The following CPQ variants were observed in gnomAD, a reference collection of about 807,000 sequenced individuals.
CPQ encodes Ser-Met dipeptidase.
A neutral mutation model predicts 45.7 loss-of-function variants in CPQ; 37 were observed. The observed-to-expected ratio is 0.81, with a 90% CI of 0.62 to 1.07. The LOEUF is 1.07. CPQ is among the 50% of genes least tolerant of loss of function. The pLI, the probability that CPQ is intolerant of heterozygous loss-of-function variation, is 0.00. For missense variants in CPQ, 537 were observed against 572.9 expected (o/e 0.94, Z 0.64); for synonymous variants, 186 against 205.8 (o/e 0.90, Z 0.82).
chr8:97,090,406 T>C (rs1484114927), intron 7 of CPQ, among the ~76,000 whole-genome samples: 1 of 152,222 alleles, frequency 6.6e-6, no homozygotes, highest in Non-Finnish European at 1.5e-5. Context: ...AACCTAGCAT[T>C]TTTTAATGTT....
intron 4 of CPQ, among the ~76,000 whole-genome samples, chr8:96,934,705 A>G (rs1351304151): frequency 6.6e-6 from 1 of 152,166 alleles, no homozygotes; most frequent in Non-Finnish European, 1.5e-5. Flanking sequence ...AGCCTACAAA[A>G]TATGCCCTGT....
At chr8:96,732,271 C>T (rs1378158988) in intron 1 of CPQ, 1 of 152,198 alleles carries the variant, frequency 6.6e-6, no homozygotes, top group Non-Finnish European at 1.5e-5. Flanking sequence ...GTTCTCTGCA[C>T]ATCTCCAACC....
At chr8:97,012,875 T>TTTTTTTTTTTTTTTTTTTTTTGAGACGG (rs1809514560) in intron 5 of CPQ, among the ~76,000 whole-genome samples, 1 of 152,174 alleles carries the variant, frequency 6.6e-6, no homozygotes, top group African/African-American at 2.4e-5. Flanking sequence ...AATTTTCTTT[T>TTTTTTTTTTTTTTTTTTTTTTGAGACGG]ATCTCAAGGA....
intron 7 of CPQ, among the ~76,000 whole-genome samples, chr8:97,122,213 G>A (rs79017698): frequency 0.015 from 2,278 of 151,946 alleles, 64 homozygotes; most frequent in African/African-American, 0.051. Context: ...AGCATGATAA[G>A]CGACAAGAAA....
intron 1 of CPQ, among the ~76,000 whole-genome samples, chr8:96,777,005 G>T (rs1810613860): frequency 2.6e-5 from 4 of 152,132 alleles, no homozygotes; most frequent in African/African-American, 9.7e-5. Flanking sequence ...AAAAAATGTT[G>T]TGTAGTTTAA....
At chr8:97,022,996 C>CAGTATATATATACTATATAT (rs1206830979) in intron 5 of CPQ, among the ~76,000 whole-genome samples, 2 of 143,366 alleles carry the variant, frequency 1.4e-5, no homozygotes, top group Non-Finnish European at 1.5e-5. Flanking sequence ...TATATATATA[C>CAGTATATATATACTATATAT]AGTATATATA....
intron 7 of CPQ, among the ~76,000 whole-genome samples, chr8:97,107,375 C>A (rs1030526143): frequency 6.6e-6 from 1 of 152,344 alleles, no homozygotes; most frequent in African/African-American, 2.4e-5. Context: ...GCTTCCAAAC[C>A]CCAGCACCAT....
chr8:96,930,943 C>G (rs536180106), intron 4 of CPQ, among the ~76,000 whole-genome samples: 40 of 152,298 alleles, frequency 2.6e-4, no homozygotes, highest in African/African-American at 9.4e-4. Flanking sequence ...CATCATCCAC[C>G]TTGACAGATG....
chr8:96,781,646 C>G (rs1226458831), intron 1 of CPQ, among the ~76,000 whole-genome samples: 1 of 152,128 alleles, frequency 6.6e-6, no homozygotes, highest in Non-Finnish European at 1.5e-5. Flanking sequence ...TATTTCATCC[C>G]AATAGCTCCA....
chr8:96,670,899 G>A (rs1031396504), intron 1 of CPQ, among the ~76,000 whole-genome samples: 8 of 152,028 alleles, frequency 5.3e-5, no homozygotes, highest in East Asian at 1.9e-4. Context: ...AGAGGGATGC[G>A]TGGGTGTAGC....
intron 5 of CPQ, among the ~76,000 whole-genome samples, chr8:97,004,270 T>C (rs1809338146): frequency 6.6e-6 from 1 of 150,524 alleles, no homozygotes; most frequent in South Asian, 2.1e-4. Context: ...AATAAATAAT[T>C]TGTAAAAAAA....
intron 7 of CPQ, among the ~76,000 whole-genome samples, chr8:97,132,317 C>A (rs761858683): frequency 6.6e-6 from 1 of 152,178 alleles, no homozygotes; most frequent in Non-Finnish European, 1.5e-5. Context: ...AAAATTGGGA[C>A]TCCAGCTCCA....
At chr8:96,920,931 C>T (rs867433177) in intron 4 of CPQ, among the ~76,000 whole-genome samples, 1 of 152,314 alleles carries the variant, frequency 6.6e-6, no homozygotes, top group Middle Eastern at 3.4e-3. Flanking sequence ...GATTTTGTTA[C>T]AGCAGCTAAG....
intron 4 of CPQ, among the ~76,000 whole-genome samples, chr8:96,909,494 C>T (rs757217176): frequency 1.1e-4 from 16 of 152,106 alleles, no homozygotes; most frequent in Non-Finnish European, 2.1e-4. Context: ...AGTATACTTA[C>T]CATGAGAATG....
intron 1 of CPQ, among the ~76,000 whole-genome samples, chr8:96,726,234 T>G (rs1221959645): frequency 6.6e-6 from 1 of 151,674 alleles, no homozygotes; most frequent in African/African-American, 2.4e-5. Context: ...AAAGAAGAAA[T>G]TATAGAAAAA....
intron 1 of CPQ, among the ~76,000 whole-genome samples, chr8:96,703,282 C>T (rs758911137): frequency 6.6e-6 from 1 of 152,110 alleles, no homozygotes; most frequent in Non-Finnish European, 1.5e-5. Flanking sequence ...CTAAGTTTAG[C>T]TTGATGCACA....
intron 2 of CPQ, among the ~76,000 whole-genome samples, chr8:96,818,250 C>A (rs998484696): frequency 1.3e-5 from 2 of 151,810 alleles, no homozygotes; most frequent in African/African-American, 4.8e-5. Context: ...CTCCATCAAC[C>A]TTCCGGACAA....
chr8:97,069,059 T>G (rs1397481914), intron 7 of CPQ, among the ~76,000 whole-genome samples: 1 of 152,228 alleles, frequency 6.6e-6, no homozygotes, highest in African/African-American at 2.4e-5. Context: ...GAGTTTGTTA[T>G]TGTAAATAAC....
At chr8:97,058,348 A>C (rs531530051) in intron 6 of CPQ, among the ~76,000 whole-genome samples, 2 of 152,280 alleles carry the variant, frequency 1.3e-5, no homozygotes, top group African/African-American at 4.8e-5. Flanking sequence ...AGGGACTTGA[A>C]GAAGCTGCTG....
Sources: allele counts gnomAD v4.1 joint callset (sites outside exome capture counted in the v4.1 genomes callset), GRCh38; gene constraint gnomAD v4.1.1; transcripts MANE v1.5; gene names NCBI Gene and HGNC (gene_info 2026-07-23, HGNC 2026-07-21).